The following FOXP2 variants were observed in gnomAD, a reference collection of about 807,000 sequenced individuals.
The protein encoded by FOXP2 is forkhead box P2.
FOXP2 carries 12 observed loss-of-function variants against 115.8 expected under a neutral mutation model. The ratio of observed to expected loss-of-function variants is 0.10; its 90% CI spans 0.07 to 0.17. The LOEUF (loss-of-function observed/expected upper bound fraction) is 0.17, where lower values mean the gene tolerates loss of function less well. Among genes scored for constraint, FOXP2 ranks in the 10% least tolerant of loss-of-function variants. The pLI is 1.00. For missense variants in FOXP2, 629 were observed against 843.5 expected, an observed-to-expected ratio of 0.75 and a Z score of 3.15; for synonymous variants, 328 against 297.7, an observed-to-expected ratio of 1.10 and a Z score of -1.05.
At chr7:114,370,191 A>G (rs1791969708) in intron 2 of FOXP2, among the ~76,000 whole-genome samples, 1 of 152,066 alleles carries the variant, frequency 6.6e-6, no homozygotes, top group Non-Finnish European at 1.5e-5. Flanking sequence ...ACTTTTCTTT[A>G]TTACCTTGTA....
intron 2 of FOXP2, among the ~76,000 whole-genome samples, chr7:114,485,691 C>T (rs548401911): frequency 6.6e-6 from 1 of 152,158 alleles, no homozygotes; most frequent in African/African-American, 2.4e-5. Flanking sequence ...GAACACCCTA[C>T]ATTTTTGGGA....
chr7:114,660,635 G>T (rs563239564), intron 13 of FOXP2, among the ~76,000 whole-genome samples: 1 of 152,244 alleles, frequency 6.6e-6, no homozygotes, highest in South Asian at 2.1e-4. Context: ...TACTGTAAAT[G>T]AATGTAATTG....
rs977000248 is a variant in FOXP2, at chr7:114,532,610, A to G, written c.169-2007A>G. On this transcript the variant is annotated intron_variant, in intron 2 of 16. Transcript: ENST00000350908. ...TGCTAGAATAAGGAGGTCAGATTAG[A>G]TGATTTTCAAGATAGCTTTTAGTCC... is the stretch of plus-strand genomic sequence containing the variant. Among the ~76,000 whole-genome samples, 6 of 151,920 alleles carry G rather than the reference A, an allele frequency of 3.9e-5. 1 individual carries two copies. Among genetic ancestry groups the G allele is most frequent in the African/African-American group, 1.4e-4 (6 of 41,428 alleles).
chr7:114,230,818 G>A (rs1794856070), intron 1 of FOXP2, among the ~76,000 whole-genome samples: 1 of 151,848 alleles, frequency 6.6e-6, no homozygotes, highest in East Asian at 1.9e-4. Context: ...AACAAGACAA[G>A]AACATTCTTA....
intron 1 of FOXP2, among the ~76,000 whole-genome samples, chr7:114,105,198 T>C (rs1216393357): frequency 6.6e-6 from 1 of 152,030 alleles, no homozygotes; most frequent in Non-Finnish European, 1.5e-5. Context: ...TTTTGTGTAA[T>C]TTTTTCTGTG....
intron 1 of FOXP2, among the ~76,000 whole-genome samples, chr7:114,198,684 G>A (rs993853024): frequency 5.9e-5 from 9 of 152,116 alleles, no homozygotes; most frequent in Non-Finnish European, 5.9e-5. Flanking sequence ...AACCAGTACC[G>A]GTCTGTGGCC....
At chr7:114,327,386 T>C (rs557210166) in intron 2 of FOXP2, among the ~76,000 whole-genome samples, 2 of 152,320 alleles carry the variant, frequency 1.3e-5, no homozygotes, top group South Asian at 4.1e-4. Context: ...TTAAATTTAG[T>C]CACCATTTAA....
In FOXP2 at chr7:114,278,351, T is replaced by C. The variant is rs558650539; in HGVS notation, c.-101-9668T>C. 5.9e-5 allele frequency among the ~76,000 whole-genome samples: 9 copies of C among 152,056 alleles called. No homozygotes were observed. In the South Asian group the frequency reaches 1.9e-3, roughly 31 times the overall value. ...TTTCATTTCATAAGCCATATACCTG[T>C]GTTGTTTTACTTTTTTTTTTTTGAG... On this transcript the variant is annotated intron_variant, in intron 1 of 17. Transcript: ENST00000634411.
At chr7:114,291,577 A>G (rs1044910332) in intron 2 of FOXP2, among the ~76,000 whole-genome samples, 1 of 151,880 alleles carries the variant, frequency 6.6e-6, no homozygotes, top group African/African-American at 2.4e-5. Context: ...AGTTTAGCTT[A>G]GGGTCTTAAA....
chr7:114,627,578 T>C (rs1456025), intron 3 of FOXP2, among the ~76,000 whole-genome samples: 20,615 of 152,004 alleles, frequency 0.14, 1,734 homozygotes, highest in African/African-American at 0.23. Flanking sequence ...ACATCCGTTC[T>C]GTCTTTCTCT....
intron 2 of FOXP2, among the ~76,000 whole-genome samples, chr7:114,443,237 C>A (rs894698052): frequency 1.3e-5 from 2 of 152,182 alleles, no homozygotes; most frequent in Non-Finnish European, 2.9e-5. Context: ...TCTTACAGAT[C>A]TGTACTAATA....
At chr7:114,138,551 C>T (rs1451808024) in intron 1 of FOXP2, among the ~76,000 whole-genome samples, 1 of 151,944 alleles carries the variant, frequency 6.6e-6, no homozygotes, top group African/African-American at 2.4e-5. Flanking sequence ...AAGACCACAC[C>T]CGGCTAATTT....
chr7:114,450,009 A>G (rs1412340032), intron 2 of FOXP2, among the ~76,000 whole-genome samples: 1 of 152,108 alleles, frequency 6.6e-6, no homozygotes, highest in Non-Finnish European at 1.5e-5. Context: ...ATTAATATAA[A>G]ATTAAATATA....
At chr7:114,621,564 C>G (rs1389809826) in intron 3 of FOXP2, among the ~76,000 whole-genome samples, 1 of 152,028 alleles carries the variant, frequency 6.6e-6, no homozygotes, top group South Asian at 2.1e-4. Context: ...CTGCCTTCTT[C>G]CATTGAAGTT....
Position 114,662,082 on chromosome 7 carries a change from T to C in FOXP2, c.1665T>C (p.Asn555=). 1 of 1,612,822 alleles carries C rather than the reference T, an allele frequency of 6.2e-7. No homozygotes were observed. Residue 555 remains asparagine, a synonymous_variant, in exon 14 of 17, where the codon AAT becomes AAC. Coordinates refer to ENST00000350908, the MANE Select transcript of FOXP2 (RefSeq NM_014491.4). ...AATWKNAVRH[N]LSLHKCFVRV... The stretch of plus-strand genomic sequence containing the variant: ...TGCTTTAGAATGCAGTACGTCATAA[T>C]CTTAGCCTGCACAAGTGTTTTGTTC...
chr7:114,465,440 C>G (rs957300482), intron 2 of FOXP2, among the ~76,000 whole-genome samples: 3 of 152,086 alleles, frequency 2.0e-5, no homozygotes, highest in African/African-American at 7.2e-5. Context: ...TGCATAGAAA[C>G]TTATTAGAGT....
At chr7:114,290,073 C>A (rs1445296823) in intron 2 of FOXP2, among the ~76,000 whole-genome samples, 1 of 151,770 alleles carries the variant, frequency 6.6e-6, no homozygotes, top group African/African-American at 2.4e-5. Context: ...ACTGATAGAT[C>A]TGTTTATTGT....
chr7:114,556,393 T>C (rs553515571), intron 3 of FOXP2, among the ~76,000 whole-genome samples: 41 of 152,234 alleles, frequency 2.7e-4, no homozygotes, highest in Admixed American at 7.9e-4. Context: ...CTGCTTCCCC[T>C]GCAGGGATCA....
intron 3 of FOXP2, among the ~76,000 whole-genome samples, chr7:114,594,059 A>G (rs1802572831): frequency 1.3e-5 from 2 of 152,026 alleles, no homozygotes; most frequent in African/African-American, 4.8e-5. Flanking sequence ...AAAAGTATAA[A>G]TATGCATACA....
Sources: gnomAD v4.1 joint callset for allele counts (sites outside exome capture counted in the v4.1 genomes callset) on GRCh38, gnomAD v4.1.1 for gene constraint, MANE v1.5 for transcripts, NCBI Gene and HGNC (gene_info 2026-07-23, HGNC 2026-07-21) for gene names.